Variants in RAD54L2 observed in about 807,000 individuals in gnomAD.
The protein encoded by RAD54L2 is helicase ARIP4.
In RAD54L2, 27 loss-of-function variants were observed where a neutral mutation model predicts 138.4. That is an observed-to-expected ratio of 0.20 (90% CI 0.14 to 0.27). RAD54L2 has a LOEUF of 0.27. Ranked by LOEUF, RAD54L2 falls within the 10% of genes least tolerant of loss-of-function variation. RAD54L2 has a pLI of 1.00. For synonymous variants in RAD54L2, 644 were observed against 723.2 expected, an observed-to-expected ratio of 0.89 and a Z score of 1.76; for missense variants, 1,396 against 1,890.2, an observed-to-expected ratio of 0.74 and a Z score of 4.85.
At chr3:51,642,546 C>G (rs1469373878) in intron 15 of RAD54L2, among the ~76,000 whole-genome samples, 1 of 151,900 alleles carries the variant, frequency 6.6e-6, no homozygotes, top group Admixed American at 6.6e-5. Flanking sequence ...ACATTTGGGC[C>G]AGATAATTCT....
chr3:51,569,056 A>G (rs1234550460), intron 2 of RAD54L2, among the ~76,000 whole-genome samples: 1 of 152,136 alleles, frequency 6.6e-6, no homozygotes, highest in Admixed American at 6.6e-5. Flanking sequence ...TTCCAGCAGG[A>G]TTATAACATT....
At chr3:51,566,350 G>C (rs1699216071) in intron 2 of RAD54L2, among the ~76,000 whole-genome samples, 1 of 151,788 alleles carries the variant, frequency 6.6e-6, no homozygotes, top group African/African-American at 2.4e-5. Context: ...ATACTGTGTG[G>C]GGCTTGTTTC....
intron 21 of RAD54L2, 78 bp downstream of exon 21, chr3:51,657,747 C>CCCGTCTAGCTCAAGTCATA: frequency 2.0e-6 from 2 of 1,007,762 alleles, no homozygotes; most frequent in Non-Finnish European, 3.0e-6. Flanking sequence ...ATACATATGA[C>CCCGTCTAGCTCAAGTCATA]TTGAGCTAGA....
chr3:51,635,552 A>G, intron 9 of RAD54L2, 41 bp from the exon 10 acceptor site: 1 of 1,542,496 alleles, frequency 6.5e-7, no homozygotes, highest in Non-Finnish European at 8.8e-7. Flanking sequence ...TTCTTGAGAT[A>G]TAATTCACAT....
chr3:51,606,623 T>C (rs1011279271), intron 3 of RAD54L2, among the ~76,000 whole-genome samples: 2 of 152,188 alleles, frequency 1.3e-5, no homozygotes, highest in Non-Finnish European at 2.9e-5. Context: ...AGATACATAT[T>C]TTCTTTGAAT....
At chr3:51,615,546 G>A (rs1386272658) in intron 3 of RAD54L2, among the ~76,000 whole-genome samples, 3 of 152,168 alleles carry the variant, frequency 2.0e-5, no homozygotes, top group African/African-American at 7.2e-5. Context: ...TGTCTGTTAT[G>A]TGACAGGCAT....
intron 7 of RAD54L2, 37 bp from the exon 8 acceptor site, chr3:51,633,538 TTG>T (rs759196653): frequency 6.4e-7 from 1 of 1,574,394 alleles, no homozygotes; most frequent in South Asian, 1.1e-5. Context: ...GCCCTCATCT[TTG>T]TGAGCCCCTC....
chr3:51,602,353 G>A (rs537128692), intron 3 of RAD54L2, among the ~76,000 whole-genome samples: 2 of 152,248 alleles, frequency 1.3e-5, no homozygotes, highest in South Asian at 4.1e-4. Flanking sequence ...CTTTGGTAAA[G>A]ATCTCCCTTT....
At chr3:51,571,594 C>T (rs999200986) in intron 2 of RAD54L2, among the ~76,000 whole-genome samples, 1 of 151,976 alleles carries the variant, frequency 6.6e-6, no homozygotes, top group Non-Finnish European at 1.5e-5. Flanking sequence ...TCTCAAACTT[C>T]TGACCTCAGG....
chr3:51,560,698 A>T (rs1431867209), intron 2 of RAD54L2, among the ~76,000 whole-genome samples: 1 of 152,058 alleles, frequency 6.6e-6, no homozygotes, highest in African/African-American at 2.4e-5. Context: ...CTGGCTTTTT[A>T]ACTGGCCTTC....
At chr3:51,588,845 C>T (rs1160205446) in intron 2 of RAD54L2, among the ~76,000 whole-genome samples, 2 of 152,172 alleles carry the variant, frequency 1.3e-5, no homozygotes, top group Non-Finnish European at 2.9e-5. Flanking sequence ...ATACTTCTAG[C>T]TCCTGTGTAC....
intron 2 of RAD54L2, among the ~76,000 whole-genome samples, chr3:51,551,650 G>C (rs1368326933): frequency 1.3e-5 from 2 of 151,744 alleles, no homozygotes; most frequent in East Asian, 3.9e-4. Context: ...GGCCAGGCTG[G>C]TCTCGAACTC....
At chr3:51,590,301 TC>T in intron 2 of RAD54L2, 65 bp from the exon 3 acceptor site, 1 of 1,238,434 alleles carries the variant, frequency 8.1e-7, no homozygotes, top group South Asian at 1.7e-5. Flanking sequence ...AGCATTTTTT[TC>T]TTTGAAAGAC....
intron 3 of RAD54L2, among the ~76,000 whole-genome samples, chr3:51,610,583 A>T (rs1053962105): frequency 6.6e-6 from 1 of 151,200 alleles, no homozygotes; most frequent in Non-Finnish European, 1.5e-5. Flanking sequence ...AGGTTGCAGT[A>T]AGCCAAGATT....
chr3:51,542,752 C>T (rs980644681), intron 2 of RAD54L2, among the ~76,000 whole-genome samples: 3 of 152,138 alleles, frequency 2.0e-5, no homozygotes, highest in South Asian at 2.1e-4. Flanking sequence ...TGTGAGCCAC[C>T]GCGCCTGGCC....
intron 3 of RAD54L2, among the ~76,000 whole-genome samples, chr3:51,612,045 A>C (rs1700344593): frequency 6.6e-6 from 1 of 152,200 alleles, no homozygotes; most frequent in African/African-American, 2.4e-5. Context: ...TAAATATGTG[A>C]TTCAGCATTT....
chr3:51,613,884 A>G (rs1352043003), intron 3 of RAD54L2, among the ~76,000 whole-genome samples: 3 of 152,156 alleles, frequency 2.0e-5, no homozygotes, highest in African/African-American at 4.8e-5. Context: ...TTGGCCCTGA[A>G]GGGGACATTT....
chr3:51,649,597 T>C (rs1701375609), intron 19 of RAD54L2, among the ~76,000 whole-genome samples: 1 of 152,182 alleles, frequency 6.6e-6, no homozygotes, highest in Non-Finnish European at 1.5e-5. Flanking sequence ...ACAGTGGATC[T>C]CTTGGCAGAA....
rs1030165490 is a variant in RAD54L2, at chr3:51,620,133, CCCAGACTAG to C, written c.140-7419_140-7411del. Among the ~76,000 whole-genome samples, 99 of 151,862 alleles carry C rather than the reference CCCAGACTAG, an allele frequency of 6.5e-4. 3 individuals are homozygous for C. Among genetic ancestry groups the C allele is most frequent in the Admixed American group, 5.7e-3 (86 of 15,206 alleles). ...TAATAGACAGGGTCTTGCTCTGTTGCCCAGACTAGAGTGTGGTGCAGTGGTATAACCTTG... is the reference window on the plus strand; with the variant it reads ...TAATAGACAGGGTCTTGCTCTGTTGCAGTGTGGTGCAGTGGTATAACCTTG... On this transcript the variant is annotated intron_variant, in intron 3 of 22. Transcript: ENST00000684192.
Sources: allele counts gnomAD v4.1 joint callset (sites outside exome capture counted in the v4.1 genomes callset), GRCh38; gene constraint gnomAD v4.1.1; transcripts MANE v1.5; gene names NCBI Gene and HGNC (gene_info 2026-07-23, HGNC 2026-07-21).